HEMK2: variants seen among roughly 807,000 people sequenced by gnomAD.
HEMK2 encodes the protein HemK methyltransferase 2, ETF1 glutamine and histone H4 lysine.
At chr21:28,760,089 A>G in the HEMK2 span, among the ~76,000 whole-genome samples, 2 of 152,288 alleles carry the variant, frequency 1.3e-5, no homozygotes, top group East Asian at 3.9e-4. Context: ...AAATCTCACA[A>G]TGCAGCAATT....
At chr21:28,662,679 T>G in the HEMK2 span, among the ~76,000 whole-genome samples, 1 of 152,122 alleles carries the variant, frequency 6.6e-6, no homozygotes, top group Admixed American at 6.6e-5. Flanking sequence ...TCTGATGATT[T>G]TATAAGGGGC....
chr21:28,704,343 G>A, the HEMK2 span, among the ~76,000 whole-genome samples: 1 of 152,076 alleles, frequency 6.6e-6, no homozygotes, highest in Non-Finnish European at 1.5e-5. Flanking sequence ...ATACTCATGA[G>A]GCATTTCCTA....
At chr21:28,694,985 G>T in the HEMK2 span, among the ~76,000 whole-genome samples, 1 of 146,734 alleles carries the variant, frequency 6.8e-6, no homozygotes, top group Non-Finnish European at 1.5e-5. Flanking sequence ...GCAACAGAGC[G>T]AGACTCTGTC....
At chr21:28,856,175 G>A in the HEMK2 span, among the ~76,000 whole-genome samples, 1 of 152,136 alleles carries the variant, frequency 6.6e-6, no homozygotes, top group African/African-American at 2.4e-5. Context: ...AGCACTTTAG[G>A]AGGCCAAGGA....
chr21:28,877,350 GA>G, the HEMK2 span, among the ~76,000 whole-genome samples: 81 of 128,732 alleles, frequency 6.3e-4, 1 homozygote, highest in East Asian at 2.0e-3. Flanking sequence ...AGGAAGGAAA[GA>G]AAAAAAAGAA....
chr21:28,879,926 C>T, the HEMK2 span: 24 of 1,601,494 alleles, frequency 1.5e-5, no homozygotes, highest in Non-Finnish European at 1.9e-5. Context: ...TCAACTTTTT[C>T]GGTCAATCTT....
the HEMK2 span, among the ~76,000 whole-genome samples, chr21:28,707,468 C>T: frequency 1.3e-5 from 2 of 151,890 alleles, no homozygotes; most frequent in Non-Finnish European, 2.9e-5. Context: ...GTTGGCCAGG[C>T]TGGTCTCGAA....
At chr21:28,602,592 T>C in the HEMK2 span, among the ~76,000 whole-genome samples, 1 of 152,112 alleles carries the variant, frequency 6.6e-6, no homozygotes, top group Non-Finnish European at 1.5e-5. Context: ...GAAAAGTGCA[T>C]AGAAATCACA....
At chr21:28,620,660 CTTTTTTTTTTTTTT>C in the HEMK2 span, among the ~76,000 whole-genome samples, 5 of 49,642 alleles carry the variant, frequency 1.0e-4, no homozygotes, top group Admixed American at 1.0e-3. Context: ...TCTCTCTTTT[CTTTTTTTTTTTTTT>C]TTTTTTTTTT....
At chr21:28,614,002 C>T in the HEMK2 span, among the ~76,000 whole-genome samples, 1 of 152,186 alleles carries the variant, frequency 6.6e-6, no homozygotes, top group Non-Finnish European at 1.5e-5. Context: ...TTTCTAGAAG[C>T]AGCAACAAAC....
At chr21:28,602,202 G>A in the HEMK2 span, among the ~76,000 whole-genome samples, 1 of 152,048 alleles carries the variant, frequency 6.6e-6, no homozygotes, top group Non-Finnish European at 1.5e-5. Context: ...TAAATATATG[G>A]ACTGTGTTTT....
the HEMK2 span, among the ~76,000 whole-genome samples, chr21:28,700,969 C>T: frequency 1.2e-4 from 19 of 152,142 alleles, no homozygotes; most frequent in African/African-American, 4.3e-4. Flanking sequence ...GAGGCTTTAT[C>T]CCTGGGATGC....
the HEMK2 span, among the ~76,000 whole-genome samples, chr21:28,764,370 C>T: frequency 6.6e-6 from 1 of 151,804 alleles, no homozygotes; most frequent in Non-Finnish European, 1.5e-5. Flanking sequence ...GCTGCTAAGA[C>T]AAGAGAGAAT....
the HEMK2 span, among the ~76,000 whole-genome samples, chr21:28,690,183 T>C: frequency 6.6e-6 from 1 of 152,184 alleles, no homozygotes; most frequent in Non-Finnish European, 1.5e-5. Flanking sequence ...ATGATTCAAT[T>C]ATCTCCACCT....
the HEMK2 span, among the ~76,000 whole-genome samples, chr21:28,704,704 T>C: frequency 6.6e-6 from 1 of 152,130 alleles, no homozygotes; most frequent in African/African-American, 2.4e-5. Context: ...CTTTCAGCGG[T>C]CATTCATAGG....
the HEMK2 span, among the ~76,000 whole-genome samples, chr21:28,821,850 T>A: frequency 6.6e-6 from 1 of 152,240 alleles, no homozygotes; most frequent in Non-Finnish European, 1.5e-5. Context: ...TTTTTACACA[T>A]CAGAAGGTAT....
the HEMK2 span, among the ~76,000 whole-genome samples, chr21:28,688,467 G>C: frequency 2.6e-5 from 4 of 152,118 alleles, no homozygotes; most frequent in Admixed American, 2.6e-4. Context: ...GTTAGAAAAA[G>C]TTTATTATAT....
the HEMK2 span, among the ~76,000 whole-genome samples, chr21:28,726,177 A>C: frequency 6.6e-6 from 1 of 152,186 alleles, no homozygotes; most frequent in South Asian, 2.1e-4. Context: ...AAAGGGTATA[A>C]ATTAACATTT....
the HEMK2 span, among the ~76,000 whole-genome samples, chr21:28,728,556 A>G: frequency 6.6e-6 from 1 of 152,218 alleles, no homozygotes; most frequent in Non-Finnish European, 1.5e-5. Context: ...CATGATGTAG[A>G]GGGAATGATT....
Sources: gnomAD v4.1 joint callset for allele counts (sites outside exome capture counted in the v4.1 genomes callset) on GRCh38, gnomAD v4.1.1 for gene constraint, MANE v1.5 for transcripts, NCBI Gene and HGNC (gene_info 2026-07-23, HGNC 2026-07-21) for gene names.